Variants in PCSK5 observed in about 807,000 individuals in gnomAD.
PCSK5 encodes the protein proprotein convertase subtilisin/kexin type 5.
PCSK5 carries 129 observed loss-of-function variants against 233.2 expected under a neutral mutation model. That is an observed-to-expected ratio of 0.55 (90% CI 0.48 to 0.64). PCSK5 has a LOEUF of 0.64. Among genes scored for constraint, PCSK5 ranks in the 30% least tolerant of loss-of-function variants. The pLI, the probability that PCSK5 is intolerant of heterozygous loss-of-function variation, is 0.00. For missense variants in PCSK5, 2,076 were observed against 2,430.1 expected (o/e 0.85, Z 3.06); for synonymous variants, 825 against 879.2 (o/e 0.94, Z 1.09).
At chr9:76,006,994 T>A (rs2131443091) in intron 3 of PCSK5, among the ~76,000 whole-genome samples, 1 of 152,294 alleles carries the variant, frequency 6.6e-6, no homozygotes, top group South Asian at 2.1e-4. Flanking sequence ...TAGTTACTTT[T>A]TCTTGAATAC....
intron 1 of PCSK5, among the ~76,000 whole-genome samples, chr9:75,927,560 G>A (rs999562088): frequency 6.6e-6 from 1 of 152,112 alleles, no homozygotes; most frequent in African/African-American, 2.4e-5. Context: ...TATGTACAAG[G>A]AAGCTGCAAA....
chr9:76,238,954 A>T lies in PCSK5; in HGVS notation c.2867-5A>T, dbSNP rs1282918781. 1 of 1,609,544 alleles carries T rather than the reference A, an allele frequency of 6.2e-7. No homozygotes were observed. The highest frequency in any genetic ancestry group is 8.5e-7 in the Non-Finnish European group (1 of 1,177,410). On this transcript the variant is annotated splice_region_variant and splice_polypyrimidine_tract_variant and intron_variant, in intron 22 of 37. Transcript: ENST00000674117. ...CCTCTTTTCGTTGCCCCTGTAACTG[A>T]TCAGACAACTATGGCCGAGAGCACT... is the stretch of plus-strand genomic sequence containing the variant.
At chr9:76,012,530 G>A (rs575271937) in intron 3 of PCSK5, among the ~76,000 whole-genome samples, 12 of 152,282 alleles carry the variant, frequency 7.9e-5, no homozygotes, top group African/African-American at 2.2e-4. Context: ...TAGTTGGCTT[G>A]TGCAATATGG....
intron 1 of PCSK5, among the ~76,000 whole-genome samples, chr9:75,916,468 A>G (rs527534913): frequency 6.6e-6 from 1 of 152,344 alleles, no homozygotes; most frequent in African/African-American, 2.4e-5. Context: ...GAGTAAGGAA[A>G]TAAACAGCTT....
intron 20 of PCSK5, among the ~76,000 whole-genome samples, chr9:76,214,313 C>T (rs1185757378): frequency 3.3e-5 from 5 of 151,784 alleles, no homozygotes; most frequent in African/African-American, 4.8e-5. Context: ...CACACGTGCA[C>T]ACACACACAC....
intron 1 of PCSK5, among the ~76,000 whole-genome samples, chr9:75,918,302 A>G (rs374203214): frequency 2.6e-5 from 4 of 152,192 alleles, no homozygotes; most frequent in South Asian, 4.1e-4. Context: ...TGCTTCATCA[A>G]CACTCTTGGT....
At chr9:75,966,629 G>T (rs567344489) in intron 2 of PCSK5, among the ~76,000 whole-genome samples, 21 of 152,256 alleles carry the variant, frequency 1.4e-4, no homozygotes, top group African/African-American at 4.8e-4. Context: ...CACTTCCAGG[G>T]TGTCCACTTG....
chr9:76,115,558 A>G (rs1003204237), intron 9 of PCSK5, among the ~76,000 whole-genome samples: 1 of 152,040 alleles, frequency 6.6e-6, no homozygotes, highest in African/African-American at 2.4e-5. Context: ...GGGTTTGTGG[A>G]TTTTACTCAA....
Position 75,891,025 on chromosome 9 carries a change from C to T in PCSK5, c.-157C>T, listed in dbSNP as rs1020171805. ...GGCGTAAGGCTCGCTGCTCTGCTCC[C>T]TGCCGGGGCTAGCCGCCTCCTGCCG... On this transcript the variant is annotated 5_prime_UTR_variant, in exon 1 of 38. Coordinates refer to ENST00000674117, the MANE Select transcript of PCSK5 (RefSeq NM_001372043.1). 3 of 587,140 alleles carry T rather than the reference C, an allele frequency of 5.1e-6. No homozygotes were observed. The African/African-American group carries it at 5.9e-5, about 12-fold the overall frequency. The allele number at this position is 587,140 out of a possible 1,614,324, so 36.4% of individuals were successfully genotyped here. A position where few individuals can be genotyped will look rare whatever the true frequency, so the allele number is the denominator to read the frequency against.
chr9:76,279,590 T>A (rs1266964976), intron 24 of PCSK5, among the ~76,000 whole-genome samples: 1 of 151,718 alleles, frequency 6.6e-6, no homozygotes, highest in East Asian at 1.9e-4. Context: ...TCCTGACTTT[T>A]TAATGATTGC....
At chr9:76,125,598 A>T (rs1312291901) in intron 9 of PCSK5, among the ~76,000 whole-genome samples, 1 of 152,234 alleles carries the variant, frequency 6.6e-6, no homozygotes, top group Non-Finnish European at 1.5e-5. Context: ...GATAGTATGT[A>T]TGCCTGGCAC....
At chr9:75,957,068 C>T (rs1825127021) in intron 2 of PCSK5, among the ~76,000 whole-genome samples, 1 of 152,124 alleles carries the variant, frequency 6.6e-6, no homozygotes. Context: ...ACACAGAGGG[C>T]TGCTGTCTGT....
At chr9:76,230,878 C>T (rs549357435) in intron 21 of PCSK5, among the ~76,000 whole-genome samples, 56 of 151,932 alleles carry the variant, frequency 3.7e-4, no homozygotes, top group Non-Finnish European at 6.5e-4. Flanking sequence ...TTCTGCATTA[C>T]GGTTAGTTGC....
At chr9:76,050,456 C>T (rs956577567) in intron 5 of PCSK5, among the ~76,000 whole-genome samples, 1 of 152,094 alleles carries the variant, frequency 6.6e-6, no homozygotes, top group East Asian at 1.9e-4. Context: ...TTAGCATATA[C>T]ACTCAGTATA....
intron 7 of PCSK5, among the ~76,000 whole-genome samples, chr9:76,088,046 A>G (rs1831134500): frequency 6.6e-6 from 1 of 152,252 alleles, no homozygotes; most frequent in South Asian, 2.1e-4. Context: ...TAGAATGTGA[A>G]TAATGAAGGT....
chr9:76,044,794 G>A (rs1015862142), intron 5 of PCSK5, among the ~76,000 whole-genome samples: 1 of 152,148 alleles, frequency 6.6e-6, no homozygotes. Flanking sequence ...AATAGTCAAA[G>A]TAATACTTGA....
At chr9:76,038,597 G>A (rs1011406909) in intron 5 of PCSK5, among the ~76,000 whole-genome samples, 3 of 152,226 alleles carry the variant, frequency 2.0e-5, no homozygotes, top group Non-Finnish European at 4.4e-5. Flanking sequence ...CCCATCTCGT[G>A]TATCACATAA....
chr9:76,182,331 A>T (rs1823909807), intron 16 of PCSK5, among the ~76,000 whole-genome samples: 1 of 152,194 alleles, frequency 6.6e-6, no homozygotes, highest in Non-Finnish European at 1.5e-5. Context: ...GTCTTTTAAG[A>T]GTAGAATGAA....
At chr9:76,006,116 G>C (rs372073905) in intron 3 of PCSK5, among the ~76,000 whole-genome samples, 2 of 151,266 alleles carry the variant, frequency 1.3e-5, no homozygotes, top group East Asian at 1.9e-4. Context: ...TGGCATCTCT[G>C]TGTGTTTTAT....
Sources: allele counts gnomAD v4.1 joint callset (sites outside exome capture counted in the v4.1 genomes callset), GRCh38; gene constraint gnomAD v4.1.1; transcripts MANE v1.5; gene names NCBI Gene and HGNC (gene_info 2026-07-23, HGNC 2026-07-21).